Variants in PRKCA observed in about 807,000 individuals in gnomAD.
The protein encoded by PRKCA is protein kinase C alpha type.
PRKCA carries 27 observed loss-of-function variants against 87.0 expected under a neutral mutation model. The ratio of observed to expected loss-of-function variants is 0.31; its 90% CI spans 0.23 to 0.43. PRKCA has a LOEUF of 0.43. Among genes scored for constraint, PRKCA ranks in the 20% least tolerant of loss-of-function variants. PRKCA has a pLI of 1.00. For missense variants in PRKCA, 518 were observed against 852.3 expected (o/e 0.61, Z 4.88); for synonymous variants, 329 against 311.1 (o/e 1.06, Z -0.61).
At chr17:66,649,103 A>C (rs929658695) in intron 5 of PRKCA, among the ~76,000 whole-genome samples, 5 of 152,110 alleles carry the variant, frequency 3.3e-5, no homozygotes, top group Admixed American at 2.6e-4. Context: ...ATCTCAAAAA[A>C]AAAAAAAAAG....
At chr17:66,572,826 T>C (rs909938896) in intron 3 of PRKCA, among the ~76,000 whole-genome samples, 3 of 152,196 alleles carry the variant, frequency 2.0e-5, no homozygotes, top group Non-Finnish European at 4.4e-5. Flanking sequence ...TAAAATGTTA[T>C]ATATTTTTAA....
chr17:66,721,568 T>C (rs1426884608), intron 8 of PRKCA, among the ~76,000 whole-genome samples: 1 of 152,128 alleles, frequency 6.6e-6, no homozygotes, highest in Admixed American at 6.5e-5. Flanking sequence ...TCCTTCCCTT[T>C]TTAGACCATA....
intron 3 of PRKCA, among the ~76,000 whole-genome samples, chr17:66,576,862 A>T (rs1178360996): frequency 7.7e-6 from 1 of 130,156 alleles, no homozygotes; most frequent in East Asian, 2.2e-4. Flanking sequence ...TCCGTGGAAA[A>T]TGGTGATGTA....
chr17:66,782,407 A>G (rs544820262), intron 14 of PRKCA, among the ~76,000 whole-genome samples: 9 of 152,294 alleles, frequency 5.9e-5, no homozygotes, highest in African/African-American at 1.7e-4. Context: ...CCTCTTCCCT[A>G]TACCCAAGAA....
In PRKCA at chr17:66,302,841, T is replaced by TG. The variant is rs759335653; in HGVS notation, c.-4dup. Reference sequence around the variant, plus strand: ...CTCCCCGGCGGAGGCAAGAGGTGGTTGGGGGGGACCATGGCTGACGTTTTC... The same window carrying TG: ...CTCCCCGGCGGAGGCAAGAGGTGGTTGGGGGGGGACCATGGCTGACGTTTTC... On this transcript the variant is annotated 5_prime_UTR_variant, in exon 1 of 17. Coordinates refer to ENST00000413366, the MANE Select transcript of PRKCA (RefSeq NM_002737.3). 180,030 of 1,575,856 alleles carry TG rather than the reference T, an allele frequency of 0.11. 11,361 individuals carry two copies. The highest frequency in any genetic ancestry group is 0.22 in the South Asian group (19,292 of 87,738).
Position 66,478,857 on chromosome 17 carries a change from A to G in PRKCA, c.206-17344A>G, listed in dbSNP as rs186111436. ...CCCCACATCATGATTATTGTTAAAT[A>G]TAAGTTTTTTGAAGCACTGTGTATA... On this transcript the variant is annotated intron_variant, in intron 2 of 16. Coordinates refer to ENST00000413366, the MANE Select transcript of PRKCA (RefSeq NM_002737.3). Among the ~76,000 whole-genome samples, 275 of 152,312 alleles carry G rather than the reference A, an allele frequency of 1.8e-3. 2 individuals carry two copies. Among genetic ancestry groups the G allele is most frequent in the Non-Finnish European group, 2.0e-3 (136 of 68,032 alleles).
At chr17:66,562,103 A>ATATATATATTAAATATAT (rs1968708378) in intron 3 of PRKCA, among the ~76,000 whole-genome samples, 1 of 112,974 alleles carries the variant, frequency 8.9e-6, no homozygotes, top group Admixed American at 9.2e-5. Flanking sequence ...ATATATAATT[A>ATATATATATTAAATATAT]AATTATATAT....
intron 3 of PRKCA, among the ~76,000 whole-genome samples, chr17:66,630,065 A>AT (rs1017366070): frequency 2.0e-5 from 3 of 152,138 alleles, no homozygotes; most frequent in African/African-American, 7.2e-5. Flanking sequence ...TTTAAATAAC[A>AT]TTTTTTTAAA....
At chr17:66,387,683 G>A (rs550851096) in intron 2 of PRKCA, among the ~76,000 whole-genome samples, 1 of 152,306 alleles carries the variant, frequency 6.6e-6, no homozygotes, top group Admixed American at 6.5e-5. Context: ...AAAGTCCCCT[G>A]GTTCTCTCTA....
At chr17:66,595,896 C>T (rs1477981529) in intron 3 of PRKCA, among the ~76,000 whole-genome samples, 2 of 152,308 alleles carry the variant, frequency 1.3e-5, no homozygotes, top group South Asian at 2.1e-4. Context: ...CCACCGATCC[C>T]ATGTTGTGTT....
Position 66,804,050 on chromosome 17 carries a change from A to G in PRKCA, c.*13A>G, listed in dbSNP as rs764051915. ...GAGTGCAGTATGAAACTCACCAGCG[A>G]GAACAAACACCTCCCCAGCCCCCAG... On this transcript the variant is annotated 3_prime_UTR_variant, in exon 17 of 17. Transcript: ENST00000413366. The G allele has an allele frequency of 1.9e-6, 3 of 1,594,776 alleles. No individual in the cohort carries two copies. In the East Asian group the frequency reaches 6.8e-5, roughly 36 times the overall value.
At chr17:66,395,605 C>A (rs1910618441) in intron 2 of PRKCA, among the ~76,000 whole-genome samples, 1 of 152,122 alleles carries the variant, frequency 6.6e-6, no homozygotes, top group African/African-American at 2.4e-5. Flanking sequence ...TAAGAAAAGT[C>A]CTGTTAACTA....
intron 2 of PRKCA, among the ~76,000 whole-genome samples, chr17:66,452,957 C>G (rs1463657526): frequency 6.6e-6 from 1 of 152,238 alleles, no homozygotes; most frequent in Non-Finnish European, 1.5e-5. Context: ...CCTGTTTGAA[C>G]CCCCATTGAG....
chr17:66,683,583 C>A (rs1005000156), intron 5 of PRKCA, among the ~76,000 whole-genome samples: 4 of 152,056 alleles, frequency 2.6e-5, no homozygotes, highest in Non-Finnish European at 5.9e-5. Context: ...GCGTCCTCAC[C>A]CTCTGACTCC....
chr17:66,635,187 A>G (rs1971117842), intron 3 of PRKCA, among the ~76,000 whole-genome samples: 1 of 152,226 alleles, frequency 6.6e-6, no homozygotes, highest in African/African-American at 2.4e-5. Flanking sequence ...CCGAAGAGAA[A>G]GATCAGATGT....
chr17:66,647,648 C>T (rs1222709721), intron 5 of PRKCA, among the ~76,000 whole-genome samples: 2 of 152,164 alleles, frequency 1.3e-5, no homozygotes, highest in Non-Finnish European at 2.9e-5. Context: ...TGGGGTGGCA[C>T]AGGTACACAG....
At chr17:66,553,285 A>T (rs960229289) in intron 3 of PRKCA, among the ~76,000 whole-genome samples, 2 of 152,166 alleles carry the variant, frequency 1.3e-5, no homozygotes, top group African/African-American at 2.4e-5. Context: ...ACCTGGCCTG[A>T]TGAATGATTT....
chr17:66,498,715 G>A (rs1387802387), intron 3 of PRKCA, among the ~76,000 whole-genome samples: 4 of 152,206 alleles, frequency 2.6e-5, no homozygotes, highest in South Asian at 2.1e-4. Context: ...TGAGCTTGAC[G>A]AATGGGTAGG....
At position 66,517,405 on chromosome 17, in the gene PRKCA, C is replaced by T. The variant is rs954503669; in HGVS notation, c.288+21122C>T. ...TCAGTTGTTTCTCTTCCACCTCCTG[C>T]GTGCCTCTTTGAAGACTTTCATACC... On this transcript the variant is annotated intron_variant, in intron 3 of 16. Coordinates refer to ENST00000413366, the MANE Select transcript of PRKCA (RefSeq NM_002737.3). Among the ~76,000 whole-genome samples the T allele has an allele frequency of 2.1e-4, 32 of 152,198 alleles. 1 individual carries two copies. Among genetic ancestry groups the T allele is most frequent in the African/African-American group, 6.8e-4 (28 of 41,458 alleles).
Sources: allele counts gnomAD v4.1 joint callset (sites outside exome capture counted in the v4.1 genomes callset), GRCh38; gene constraint gnomAD v4.1.1; transcripts MANE v1.5; gene names NCBI Gene and HGNC (gene_info 2026-07-23, HGNC 2026-07-21).